The following FER1L6 variants were observed in gnomAD, a reference collection of about 807,000 sequenced individuals.
The protein encoded by FER1L6 is fer-1 like family member 6.
In FER1L6, 177 loss-of-function variants were observed where a neutral mutation model predicts 219.2. That is an observed-to-expected ratio of 0.81 (90% CI 0.71 to 0.91). FER1L6 has a LOEUF of 0.91. Among genes scored for constraint, FER1L6 ranks in the 40% least tolerant of loss-of-function variants. The pLI is 0.00. For missense variants in FER1L6, 2,153 were observed against 2,259.9 expected (o/e 0.95, Z 0.96); for synonymous variants, 768 against 824.3 (o/e 0.93, Z 1.17).
At chr8:123,915,668 A>G (rs1028016863) in intron 1 of FER1L6, among the ~76,000 whole-genome samples, 2 of 152,234 alleles carry the variant, frequency 1.3e-5, no homozygotes, top group African/African-American at 4.8e-5. Flanking sequence ...AATGAAACAG[A>G]CAATCAAAAT....
intron 39 of FER1L6, among the ~76,000 whole-genome samples, chr8:124,116,848 G>C (rs1823270735): frequency 6.6e-6 from 1 of 152,180 alleles, no homozygotes; most frequent in Non-Finnish European, 1.5e-5. Flanking sequence ...ATTTTTCCAT[G>C]AGTTTTGGAC....
At chr8:124,088,685 T>G (rs1010309175) in intron 33 of FER1L6, among the ~76,000 whole-genome samples, 1 of 151,400 alleles carries the variant, frequency 6.6e-6, no homozygotes, top group Non-Finnish European at 1.5e-5. Context: ...CTGCTGATTA[T>G]TCAAAACCCA....
At chr8:124,047,082 C>A (rs570002850) in intron 21 of FER1L6, among the ~76,000 whole-genome samples, 2 of 152,332 alleles carry the variant, frequency 1.3e-5, no homozygotes, top group South Asian at 4.1e-4. Flanking sequence ...TTCTTAACAA[C>A]ATGCTTTCAA....
intron 34 of FER1L6, among the ~76,000 whole-genome samples, chr8:124,094,081 GA>G (rs1822170432): frequency 6.6e-6 from 1 of 152,126 alleles, no homozygotes; most frequent in Non-Finnish European, 1.5e-5. Flanking sequence ...TGGCAGATGA[GA>G]GCACATTTCC....
At chr8:124,011,806 G>A (rs1384005930) in intron 14 of FER1L6, among the ~76,000 whole-genome samples, 1 of 151,998 alleles carries the variant, frequency 6.6e-6, no homozygotes, top group African/African-American at 2.4e-5. Context: ...ATTTTCCTTT[G>A]GACCTCTTAT....
intron 34 of FER1L6, among the ~76,000 whole-genome samples, chr8:124,094,021 G>A (rs546175230): frequency 5.3e-5 from 8 of 152,032 alleles, no homozygotes; most frequent in African/African-American, 1.7e-4. Context: ...TGTTTTGCGC[G>A]TATCATTTCC....
chr8:123,893,282 GA>G (rs1346017689), intron 1 of FER1L6, among the ~76,000 whole-genome samples: 1 of 152,166 alleles, frequency 6.6e-6, no homozygotes, highest in Non-Finnish European at 1.5e-5. Flanking sequence ...AGATTAGAGA[GA>G]AAACTTCCAG....
chr8:123,986,026 A>G, intron 11 of FER1L6, 42 bp from the exon 12 acceptor site: 2 of 1,177,466 alleles, frequency 1.7e-6, no homozygotes, highest in Non-Finnish European at 2.5e-6. Context: ...CTAATGAGAG[A>G]AAAAGCCAGT....
intron 16 of FER1L6, among the ~76,000 whole-genome samples, chr8:124,018,562 C>T (rs1228365934): frequency 6.6e-6 from 1 of 152,190 alleles, no homozygotes; most frequent in Non-Finnish European, 1.5e-5. Flanking sequence ...TTCTCAGCAC[C>T]TCTGGCTGAA....
At chr8:123,889,017 C>T (rs528378104) in intron 1 of FER1L6, among the ~76,000 whole-genome samples, 3 of 152,094 alleles carry the variant, frequency 2.0e-5, no homozygotes, top group Admixed American at 6.5e-5. Flanking sequence ...TCAGAATTGT[C>T]GCATACATTT....
At chr8:123,989,807 C>T (rs1196202454) in intron 12 of FER1L6, among the ~76,000 whole-genome samples, 4 of 152,240 alleles carry the variant, frequency 2.6e-5, no homozygotes, top group South Asian at 2.1e-4. Flanking sequence ...TTTATCTACT[C>T]ATTAGTCAAT....
At chr8:123,988,522 G>A (rs549192457) in intron 12 of FER1L6, among the ~76,000 whole-genome samples, 6 of 152,054 alleles carry the variant, frequency 3.9e-5, no homozygotes, top group South Asian at 2.1e-4. Context: ...TATAGTTTTC[G>A]TTGTGGAGAT....
chr8:124,023,776 G>A (rs185722482), intron 18 of FER1L6, among the ~76,000 whole-genome samples, 180 bp downstream of exon 18: 1 of 152,006 alleles, frequency 6.6e-6, no homozygotes, highest in Non-Finnish European at 1.5e-5. Flanking sequence ...ACCTTTAGGT[G>A]GAATTTTTTC....
In FER1L6 at chr8:124,023,587, C is replaced by A. The variant is rs773117751; in HGVS notation, c.2277C>A (p.His759Gln). 1 of 1,614,100 alleles carries A rather than the reference C, an allele frequency of 6.2e-7. No homozygotes were observed. Among genetic ancestry groups the A allele is most frequent in the East Asian group, 2.2e-5 (1 of 44,866 alleles). ...MGKHCGKIKTHFLKPPGKRPA... is the reference protein window; with the variant it reads ...MGKHCGKIKTQFLKPPGKRPA... ...AACACTGCGGCAAGATCAAAACTCA[C>A]TTCCTCAAAGTAAGTGTGCAGTATT... Residue 759 changes from histidine to glutamine, a missense_variant, in exon 18 of 41, where the codon CAC (histidine) becomes CAA (glutamine). By Grantham distance (24) the His-to-Gln change is conservative. Transcript: ENST00000522917.
chr8:123,931,650 A>G (rs1462171404), intron 1 of FER1L6, among the ~76,000 whole-genome samples: 1 of 152,228 alleles, frequency 6.6e-6, no homozygotes, highest in African/African-American at 2.4e-5. Context: ...CAAGGATGAG[A>G]TTGAACAGAG....
intron 11 of FER1L6, 117 bp from the exon 12 acceptor site, chr8:123,985,951 C>T (rs1038372502): frequency 1.3e-5 from 8 of 636,624 alleles, no homozygotes; most frequent in East Asian, 5.4e-5. Context: ...CCATTTCAGG[C>T]TGAAACAGAG....
At chr8:124,062,141 G>C in intron 25 of FER1L6, 109 bp downstream of exon 25, 1 of 1,191,666 alleles carries the variant, frequency 8.4e-7, no homozygotes, top group South Asian at 1.4e-5. Context: ...CAAGTGGCTG[G>C]GTGGATCTTT....
chr8:124,040,083 CA>C (rs1665458334), intron 20 of FER1L6, 77 bp downstream of exon 20: 1 of 1,580,172 alleles, frequency 6.3e-7, no homozygotes, highest in African/African-American at 1.4e-5. Context: ...AGGAAAGAAA[CA>C]ACGGGGGCAT....
In FER1L6 at chr8:123,985,662, CTCAAA is replaced by C. The variant is rs548025748; in HGVS notation, c.1411-403_1411-399del. On this transcript the variant is annotated intron_variant, in intron 11 of 40. Coordinates refer to ENST00000522917, the MANE Select transcript of FER1L6 (RefSeq NM_001039112.2). ...ACCCTGTGTAAGCCATAAAGTTGTG[CTCAAA>C]TCTAAGGATTTTATACTGTAATTCT... The C allele has an allele frequency of 4.1e-3, 657 of 161,824 alleles. 25 individuals are homozygous for C. The highest frequency in any genetic ancestry group is 0.04 in the Admixed American group (641 of 16,104). The allele number at this position is 161,824 out of a possible 1,614,324, so 10.0% of individuals were successfully genotyped here. A position where few individuals can be genotyped will look rare whatever the true frequency, so the allele number is the denominator to read the frequency against.
Sources: allele counts gnomAD v4.1 joint callset (sites outside exome capture counted in the v4.1 genomes callset), GRCh38; gene constraint gnomAD v4.1.1; transcripts MANE v1.5; gene names NCBI Gene and HGNC (gene_info 2026-07-23, HGNC 2026-07-21).